SMURF2: variants seen among roughly 807,000 people sequenced by gnomAD.
The protein encoded by SMURF2 is E3 ubiquitin-protein ligase SMURF2.
In SMURF2, 48 loss-of-function variants were observed where a neutral mutation model predicts 109.6. The observed-to-expected ratio is 0.44, with a 90% confidence interval of 0.35 to 0.56. The LOEUF is 0.56. Ranked by LOEUF, SMURF2 falls within the 20% of genes least tolerant of loss-of-function variation. SMURF2 has a pLI of 0.01. For synonymous variants in SMURF2, 288 were observed against 317.1 expected, an observed-to-expected ratio of 0.91 and a Z score of 0.97; for missense variants, 575 against 909.0, an observed-to-expected ratio of 0.63 and a Z score of 4.72.
intron 1 of SMURF2, among the ~76,000 whole-genome samples, chr17:64,616,227 C>G (rs1169312390): frequency 6.6e-6 from 1 of 152,108 alleles, no homozygotes; most frequent in Non-Finnish European, 1.5e-5. Flanking sequence ...TATTGGATAA[C>G]ATTTATCAAA....
chr17:64,652,291 C>T (rs1400879809), intron 1 of SMURF2, among the ~76,000 whole-genome samples: 2 of 152,108 alleles, frequency 1.3e-5, no homozygotes, highest in African/African-American at 4.8e-5. Flanking sequence ...TACTTATTGG[C>T]TGAACAAATT....
chr17:64,649,934 T>C (rs1555693325), intron 1 of SMURF2, among the ~76,000 whole-genome samples: 1 of 151,740 alleles, frequency 6.6e-6, no homozygotes, highest in Non-Finnish European at 1.5e-5. Context: ...GATATGCTGA[T>C]ACAAGACATT....
At chr17:64,657,887 A>G (rs1030644939) in intron 1 of SMURF2, among the ~76,000 whole-genome samples, 3 of 152,190 alleles carry the variant, frequency 2.0e-5, no homozygotes, top group African/African-American at 7.2e-5. Context: ...TTTATTACGA[A>G]TACCAAACTA....
intron 1 of SMURF2, among the ~76,000 whole-genome samples, chr17:64,616,408 T>C (rs1232696198): frequency 6.6e-6 from 1 of 151,800 alleles, no homozygotes. Context: ...CCCAGCACTT[T>C]GGGAGGCTGA....
At position 64,631,324 on chromosome 17, in the gene SMURF2, G is replaced by C. The variant is rs1052744936; in HGVS notation, c.53-24684C>G. 4.2e-4 allele frequency among the ~76,000 whole-genome samples: 51 copies of C among 122,372 alleles called. 1 individual carries two copies. The highest frequency in any genetic ancestry group is 1.9e-3 in the South Asian group (7 of 3,778). The allele number at this position is 122,372 out of a possible 152,430, so 80.3% of individuals were successfully genotyped here. On this transcript the variant is annotated intron_variant, in intron 1 of 18. Coordinates refer to ENST00000262435, the MANE Select transcript of SMURF2 (RefSeq NM_022739.4). The stretch of plus-strand genomic sequence containing the variant: ...AGAGAGAGAGAGAGAGAGAGAGAGA[G>C]AGACAGAGAGAGAGAGACAGAGAGA...
At chr17:64,570,201 G>A (rs1009629083) in intron 10 of SMURF2, among the ~76,000 whole-genome samples, 1 of 152,092 alleles carries the variant, frequency 6.6e-6, no homozygotes, top group Non-Finnish European at 1.5e-5. Context: ...AATGAAACAA[G>A]GACATTTTCA....
At chr17:64,644,758 A>G (rs1204984572) in intron 1 of SMURF2, among the ~76,000 whole-genome samples, 1 of 152,062 alleles carries the variant, frequency 6.6e-6, no homozygotes, top group African/African-American at 2.4e-5. Context: ...CCAAAAAGAC[A>G]AAAATTAGCT....
intron 5 of SMURF2, among the ~76,000 whole-genome samples, chr17:64,587,541 T>C (rs1598283661): frequency 6.6e-6 from 1 of 152,210 alleles, no homozygotes; most frequent in Admixed American, 6.5e-5. Context: ...GGAGGTGTAG[T>C]CAAACTTGGC....
At chr17:64,660,015 CA>C (rs1970754145) in intron 1 of SMURF2, among the ~76,000 whole-genome samples, 2 of 152,202 alleles carry the variant, frequency 1.3e-5, no homozygotes, top group Non-Finnish European at 2.9e-5. Flanking sequence ...AAATGTAGTT[CA>C]ATATTCCCCC....
intron 10 of SMURF2, among the ~76,000 whole-genome samples, chr17:64,570,910 A>T (rs1430589975): frequency 1.3e-5 from 2 of 152,186 alleles, no homozygotes; most frequent in East Asian, 3.8e-4. Flanking sequence ...TGTCCTGAGT[A>T]GCTGGGACCA....
At chr17:64,658,545 C>G (rs1970734127) in intron 1 of SMURF2, among the ~76,000 whole-genome samples, 1 of 152,048 alleles carries the variant, frequency 6.6e-6, no homozygotes, top group Non-Finnish European at 1.5e-5. Flanking sequence ...TCCTTATTGC[C>G]AAGGGCTTTG....
chr17:64,549,068 G>A (rs1433358802), intron 16 of SMURF2, among the ~76,000 whole-genome samples: 3 of 151,908 alleles, frequency 2.0e-5, no homozygotes, highest in Non-Finnish European at 2.9e-5. Context: ...CAGATCACTT[G>A]AGGTCAGGAG....
intron 9 of SMURF2, among the ~76,000 whole-genome samples, chr17:64,578,048 G>A (rs1969522367): frequency 6.7e-6 from 1 of 149,444 alleles, no homozygotes; most frequent in Non-Finnish European, 1.5e-5. Flanking sequence ...CTGGGTTCAA[G>A]CGATTCCCTG....
At chr17:64,655,889 C>A in intron 1 of SMURF2, among the ~76,000 whole-genome samples, 1 of 151,908 alleles carries the variant, frequency 6.6e-6, no homozygotes, top group Admixed American at 6.6e-5. Flanking sequence ...AGTGAGACTC[C>A]GTCTCTTTAA....
intron 1 of SMURF2, among the ~76,000 whole-genome samples, chr17:64,659,516 CTTTTT>C (rs60004963): frequency 2.2e-5 from 3 of 135,614 alleles, no homozygotes; most frequent in East Asian, 2.1e-4. Flanking sequence ...AAAGAATCAA[CTTTTT>C]TTTTTTTTTT....
At chr17:64,568,101 G>A (rs1263494121) in intron 10 of SMURF2, among the ~76,000 whole-genome samples, 2 of 152,004 alleles carry the variant, frequency 1.3e-5, no homozygotes, top group African/African-American at 4.8e-5. Context: ...TGATCCACCC[G>A]CCTTGGCCTC....
At chr17:64,546,163 C>G (rs997439260) in intron 18 of SMURF2, 100 bp downstream of exon 18, 2 of 1,148,702 alleles carry the variant, frequency 1.7e-6, no homozygotes, top group Non-Finnish European at 2.5e-6. Context: ...CTTTAAAGGC[C>G]CATTTAACAC....
chr17:64,652,286 A>G (rs1598318067), intron 1 of SMURF2, among the ~76,000 whole-genome samples: 1 of 152,236 alleles, frequency 6.6e-6, no homozygotes, highest in Non-Finnish European at 1.5e-5. Context: ...ATAAATACTT[A>G]TTGGCTGAAC....
chr17:64,644,690 TC>T (rs1970537274), intron 1 of SMURF2, among the ~76,000 whole-genome samples: 1 of 145,396 alleles, frequency 6.9e-6, no homozygotes, highest in Non-Finnish European at 1.5e-5. Flanking sequence ...GACGGGCGGA[TC>T]ACCTAAGATC....
Sources: allele counts gnomAD v4.1 joint callset (sites outside exome capture counted in the v4.1 genomes callset), GRCh38; gene constraint gnomAD v4.1.1; transcripts MANE v1.5; gene names NCBI Gene and HGNC (gene_info 2026-07-23, HGNC 2026-07-21).